SH2D4B: variants seen among roughly 807,000 people sequenced by gnomAD.
SH2D4B encodes the protein SH2 domain containing 4B, also known as SH2 domain-containing protein 4B.
In SH2D4B, 45 loss-of-function variants were observed where a neutral mutation model predicts 61.5. The ratio of observed to expected loss-of-function variants is 0.73; its 90% CI spans 0.58 to 0.94. The LOEUF (loss-of-function observed/expected upper bound fraction) is 0.94. SH2D4B is among the 40% of genes least tolerant of loss of function. SH2D4B has a pLI of 0.00. For missense variants in SH2D4B, 572 were observed against 574.2 expected (o/e 1.00, Z 0.04); for synonymous variants, 224 against 220.4 (o/e 1.02, Z -0.14).
At chr10:80,548,567 G>C (rs1006824980) in intron 1 of SH2D4B, among the ~76,000 whole-genome samples, 1 of 152,142 alleles carries the variant, frequency 6.6e-6, no homozygotes, top group Non-Finnish European at 1.5e-5. Context: ...CACTGGGGTG[G>C]CTTTGGAAAG....
intron 6 of SH2D4B, among the ~76,000 whole-genome samples, chr10:80,612,740 A>G (rs1842616772): frequency 6.6e-6 from 1 of 152,242 alleles, no homozygotes; most frequent in African/African-American, 2.4e-5. Context: ...CCCAGATAAA[A>G]GAGTCTTAGT....
At chr10:80,635,228 C>T (rs1449051960) in intron 7 of SH2D4B, among the ~76,000 whole-genome samples, 1 of 152,120 alleles carries the variant, frequency 6.6e-6, no homozygotes, top group East Asian at 1.9e-4. Context: ...TGTTGTCTTC[C>T]AAGCAGTGTA....
chr10:80,571,906 GGGA>G (rs1287043710), intron 3 of SH2D4B, among the ~76,000 whole-genome samples: 1 of 151,604 alleles, frequency 6.6e-6, no homozygotes, highest in African/African-American at 2.4e-5. Context: ...CCGAGTAGCT[GGGA>G]CTACAGGTGC....
intron 6 of SH2D4B, among the ~76,000 whole-genome samples, chr10:80,620,629 G>C (rs1402228926): frequency 1.3e-5 from 2 of 152,208 alleles, no homozygotes; most frequent in African/African-American, 4.8e-5. Flanking sequence ...TTAAAAGAAT[G>C]CTGCATCCCT....
chr10:80,592,177 G>A (rs1284733523), intron 4 of SH2D4B, among the ~76,000 whole-genome samples: 1 of 152,094 alleles, frequency 6.6e-6, no homozygotes, highest in Non-Finnish European at 1.5e-5. Context: ...CTTTATGGCT[G>A]TTTATATATC....
chr10:80,569,515 G>A (rs72805709), intron 1 of SH2D4B, among the ~76,000 whole-genome samples: 21,095 of 139,434 alleles, frequency 0.15, 1,729 homozygotes, highest in African/African-American at 0.21. Flanking sequence ...TGAATTTTGG[G>A]TTTCTTTTAT....
intron 4 of SH2D4B, among the ~76,000 whole-genome samples, chr10:80,600,478 T>C (rs565029863): frequency 8.6e-4 from 131 of 151,860 alleles, no homozygotes; most frequent in South Asian, 3.5e-3. Context: ...GAGGCAGGTT[T>C]GTAGCTTGGT....
intron 1 of SH2D4B, among the ~76,000 whole-genome samples, chr10:80,569,579 C>T (rs1842012897): frequency 6.6e-6 from 1 of 151,736 alleles, no homozygotes; most frequent in African/African-American, 2.4e-5. Flanking sequence ...TGAGCAATGA[C>T]TATGGACATC....
intron 7 of SH2D4B, among the ~76,000 whole-genome samples, chr10:80,640,014 G>C (rs556912914): frequency 5.3e-5 from 8 of 152,262 alleles, no homozygotes; most frequent in Non-Finnish European, 8.8e-5. Flanking sequence ...ATTTGCTTGT[G>C]TGTAAAGTAT....
intron 1 of SH2D4B, among the ~76,000 whole-genome samples, chr10:80,558,948 A>T (rs1371037738): frequency 6.6e-6 from 1 of 152,222 alleles, no homozygotes; most frequent in Non-Finnish European, 1.5e-5. Context: ...GAGCATGAAG[A>T]TTTATGCTTA....
At chr10:80,612,492 A>G (rs6586105) in intron 6 of SH2D4B, among the ~76,000 whole-genome samples, 77,529 of 151,892 alleles carry the variant, frequency 0.51, 20,779 homozygotes, top group East Asian at 0.74. Flanking sequence ...TCTCATGGTG[A>G]CAGGACAGAC....
At chr10:80,558,159 T>C (rs1841861699) in intron 1 of SH2D4B, among the ~76,000 whole-genome samples, 1 of 152,184 alleles carries the variant, frequency 6.6e-6, no homozygotes, top group South Asian at 2.1e-4. Flanking sequence ...AAGTATCTTT[T>C]TGTCATTGAT....
intron 7 of SH2D4B, among the ~76,000 whole-genome samples, chr10:80,637,086 A>G (rs914191995): frequency 6.6e-6 from 1 of 152,218 alleles, no homozygotes; most frequent in Non-Finnish European, 1.5e-5. Context: ...TTTGTCAAAG[A>G]TCAGATGGTT....
chr10:80,586,737 G>A (rs938099100), intron 3 of SH2D4B, among the ~76,000 whole-genome samples: 22 of 152,176 alleles, frequency 1.4e-4, no homozygotes, highest in Non-Finnish European at 1.0e-4. Flanking sequence ...GGATCCCCTT[G>A]CCGCTGTGGA....
chr10:80,637,671 T>G (rs1219471933), intron 7 of SH2D4B, among the ~76,000 whole-genome samples: 2 of 152,246 alleles, frequency 1.3e-5, no homozygotes, highest in Non-Finnish European at 2.9e-5. Flanking sequence ...CTTATCAGCT[T>G]AAGGAGATTT....
intron 1 of SH2D4B, among the ~76,000 whole-genome samples, chr10:80,543,480 T>C (rs1364756871): frequency 6.6e-6 from 1 of 152,166 alleles, no homozygotes; most frequent in African/African-American, 2.4e-5. Flanking sequence ...CAGCCCTCCA[T>C]GCCTAAGCCT....
At chr10:80,547,214 C>G (rs900961349) in intron 1 of SH2D4B, among the ~76,000 whole-genome samples, 2 of 152,218 alleles carry the variant, frequency 1.3e-5, no homozygotes, top group Admixed American at 1.3e-4. Flanking sequence ...CAGCGCACCC[C>G]TCACTGTTGG....
intron 6 of SH2D4B, among the ~76,000 whole-genome samples, chr10:80,615,241 A>C (rs1489813864): frequency 6.6e-6 from 1 of 152,216 alleles, no homozygotes; most frequent in Non-Finnish European, 1.5e-5. Context: ...CAATTACTGC[A>C]AGAGCTGGTC....
intron 7 of SH2D4B, among the ~76,000 whole-genome samples, chr10:80,638,102 A>T (rs1840220597): frequency 6.6e-6 from 1 of 152,178 alleles, no homozygotes; most frequent in Admixed American, 6.5e-5. Flanking sequence ...TGATTTGCGT[A>T]TGTTGAACCA....
Sources: gnomAD v4.1 joint callset for allele counts (sites outside exome capture counted in the v4.1 genomes callset) on GRCh38, gnomAD v4.1.1 for gene constraint, MANE v1.5 for transcripts, NCBI Gene and HGNC (gene_info 2026-07-23, HGNC 2026-07-21) for gene names.